EDARADD: variants seen among roughly 807,000 people sequenced by gnomAD.
The protein encoded by EDARADD is ectodysplasin-A receptor-associated adapter protein.
Under a neutral mutation model 25.6 loss-of-function variants are expected in EDARADD, and 20 were observed. That is an observed-to-expected ratio of 0.78 (90% CI 0.55 to 1.14). EDARADD has a LOEUF of 1.14. Among genes scored for constraint, EDARADD ranks in the 50% most tolerant of loss-of-function variants. The probability of loss-of-function intolerance (pLI) is 0.00; values close to 1 mark genes in which losing one functional copy is unlikely to be tolerated. For synonymous variants in EDARADD, 86 were observed against 94.4 expected (o/e 0.91, Z 0.52); for missense variants, 225 against 270.1 (o/e 0.83, Z 1.17).
rs1667215476 is a variant in EDARADD, at chr1:236,375,555, C to G, written c.-6+24716C>G. Among the ~76,000 whole-genome samples the G allele has an allele frequency of 2.0e-5, 3 of 149,258 alleles. No individual in the cohort carries two copies. The South Asian group carries it at 6.3e-4, about 31-fold the overall frequency. ...CCTGTAATACCAGCTACTTGGGAGG[C>G]TGAGGCAGGAGAATCGCTTGAACCC... On this transcript the variant is annotated intron_variant, in intron 3 of 7. Coordinates refer to the EDARADD transcript ENST00000439430.
chr1:236,367,930 G>A (rs560822815), intron 3 of EDARADD, among the ~76,000 whole-genome samples: 838 of 66,590 alleles, frequency 0.013, 10 homozygotes, highest in African/African-American at 0.055. Context: ...GCAACACAGC[G>A]AGACCTAGTC....
At chr1:236,450,777 G>A (rs1421176612) in intron 4 of EDARADD, among the ~76,000 whole-genome samples, 1 of 152,078 alleles carries the variant, frequency 6.6e-6, no homozygotes, top group East Asian at 1.9e-4. Flanking sequence ...TCAAACTCCG[G>A]ACCTTAGGTG....
At chr1:236,362,445 C>A (rs1667061774) in intron 3 of EDARADD, among the ~76,000 whole-genome samples, 1 of 152,170 alleles carries the variant, frequency 6.6e-6, no homozygotes, top group African/African-American at 2.4e-5. Flanking sequence ...ATGATGGATA[C>A]AAATCCTTTA....
intron 3 of EDARADD, among the ~76,000 whole-genome samples, chr1:236,383,386 CAAAA>C (rs35085475): frequency 4.3e-5 from 6 of 139,502 alleles, no homozygotes; most frequent in Admixed American, 7.1e-5. Context: ...GACTCCGTCT[CAAAA>C]AAAAAAAAAA....
chr1:236,448,848 A>C (rs1658634052), intron 4 of EDARADD, among the ~76,000 whole-genome samples: 1 of 152,210 alleles, frequency 6.6e-6, no homozygotes, highest in African/African-American at 2.4e-5. Flanking sequence ...TTGCAGATAC[A>C]AAAACAGAGG....
intron 1 of EDARADD, among the ~76,000 whole-genome samples, chr1:236,399,123 C>A (rs1211189047): frequency 6.6e-6 from 1 of 152,126 alleles, no homozygotes; most frequent in Non-Finnish European, 1.5e-5. Context: ...TGTATATCCA[C>A]GTGCATATAA....
intron 1 of EDARADD, 105 bp downstream of exon 1, chr1:236,394,610 T>C: frequency 1.0e-6 from 1 of 992,090 alleles, no homozygotes; most frequent in South Asian, 2.0e-5. Flanking sequence ...TAAATACTAT[T>C]ATTATCTTTT....
chr1:236,418,314 G>C (rs982092041), intron 3 of EDARADD, among the ~76,000 whole-genome samples: 1 of 151,126 alleles, frequency 6.6e-6, no homozygotes, highest in African/African-American at 2.4e-5. Context: ...GCATGATCTC[G>C]ACTCACTGCA....
At chr1:236,434,451 G>T (rs963987839) in intron 4 of EDARADD, among the ~76,000 whole-genome samples, 2 of 152,124 alleles carry the variant, frequency 1.3e-5, no homozygotes, top group Non-Finnish European at 2.9e-5. Context: ...TGTTGGCCAG[G>T]CTGATCTTGA....
At chr1:236,418,022 C>A (rs1268716331) in intron 3 of EDARADD, among the ~76,000 whole-genome samples, 1 of 147,752 alleles carries the variant, frequency 6.8e-6, no homozygotes, top group African/African-American at 2.5e-5. Context: ...GGTGCGATCT[C>A]GGCTCACTGC....
rs887068100 is a variant in EDARADD, at chr1:236,395,542, C to G, written c.61+1037C>G. ...CTCCAGGCGCGTCGGAACCGCAGGA[C>G]TTTTCATCCCCGTGGTCCCACGGTC... On this transcript the variant is annotated intron_variant, in intron 1 of 5. Transcript: ENST00000334232. This position sits in a 1 kb window ranked among gnomAD's most constrained non-coding sequence, Gnocchi z 6.9. 1.5e-4 allele frequency: 237 copies of G among 1,538,140 alleles called. No individual in the cohort carries two copies. The highest frequency in any genetic ancestry group is 2.0e-4 in the Non-Finnish European group (226 of 1,145,900).
At chr1:236,359,209 G>T (rs1667017491) in intron 3 of EDARADD, among the ~76,000 whole-genome samples, 1 of 152,054 alleles carries the variant, frequency 6.6e-6, no homozygotes, top group Non-Finnish European at 1.5e-5. Flanking sequence ...TCCCCTATTG[G>T]CTGCACACTG....
intron 4 of EDARADD, among the ~76,000 whole-genome samples, chr1:236,450,320 T>C (rs539797702): frequency 5.5e-4 from 84 of 151,364 alleles, no homozygotes; most frequent in African/African-American, 2.0e-3. Context: ...ATAAAGAAAA[T>C]GAAGGAAGTA....
chr1:236,483,606 C>T lies in EDARADD; in HGVS notation c.*957C>T, dbSNP rs1558140935. 8 of 1,518,548 alleles carry T rather than the reference C, an allele frequency of 5.3e-6. No homozygotes were observed. The highest frequency in any genetic ancestry group is 6.4e-6 in the Non-Finnish European group (7 of 1,095,098). The allele number at this position is 1,518,548 out of a possible 1,614,324, so 94.1% of individuals were successfully genotyped here. ...CAACTCCAAAGTCATCTTGCCAGTC[C>T]CGGTGTTCAATGTCATCAATGGCAG... is the stretch of plus-strand genomic sequence containing the variant. On this transcript the variant is annotated 3_prime_UTR_variant, in exon 6 of 6. Coordinates refer to ENST00000334232, the MANE Select transcript of EDARADD (RefSeq NM_145861.4).
intron 4 of EDARADD, among the ~76,000 whole-genome samples, chr1:236,461,531 C>G (rs150460704): frequency 6.4e-4 from 98 of 152,300 alleles, no homozygotes; most frequent in African/African-American, 2.2e-3. Context: ...ATGCTACTAC[C>G]ATGCTGGTTG....
intron 1 of EDARADD, among the ~76,000 whole-genome samples, chr1:236,404,171 G>C (rs1667667015): frequency 6.6e-6 from 1 of 152,194 alleles, no homozygotes; most frequent in African/African-American, 2.4e-5. Context: ...TTGCCTGAAG[G>C]CTCAGCCTGC....
In EDARADD at chr1:236,371,610, C is replaced by G. The variant is rs533325489; in HGVS notation, c.-6+20771C>G. On this transcript the variant is annotated intron_variant, in intron 3 of 7. Coordinates refer to the EDARADD transcript ENST00000439430. ...TTGAGATGGAGTTTTGCTCTTGTCGCTCAGACTGCAGTGCAGTGGCACGAT... is the reference window on the plus strand; with the variant it reads ...TTGAGATGGAGTTTTGCTCTTGTCGGTCAGACTGCAGTGCAGTGGCACGAT... Among the ~76,000 whole-genome samples, 30 of 149,846 alleles carry G rather than the reference C, an allele frequency of 2.0e-4. No homozygotes were observed. In the East Asian group the frequency reaches 5.9e-3, roughly 29 times the overall value.
Position 236,478,736 on chromosome 1 carries a change from G to A in EDARADD, c.266-3531G>A, listed in dbSNP as rs988686500. On this transcript the variant is annotated intron_variant, in intron 5 of 5. Coordinates refer to ENST00000334232, the MANE Select transcript of EDARADD (RefSeq NM_145861.4). ...TGAGTAGCTGGGACTGCAGGCGCCCGCCATCACGCCCAGATAACTTTTTGT... is the reference window on the plus strand; with the variant it reads ...TGAGTAGCTGGGACTGCAGGCGCCCACCATCACGCCCAGATAACTTTTTGT... 2.8e-4 allele frequency among the ~76,000 whole-genome samples: 43 copies of A among 152,014 alleles called. 1 individual carries two copies. The highest frequency in any genetic ancestry group is 5.2e-4 in the Admixed American group (8 of 15,268).
intron 3 of EDARADD, among the ~76,000 whole-genome samples, chr1:236,377,687 G>A (rs201514755): frequency 4.6e-5 from 7 of 150,916 alleles, no homozygotes; most frequent in Admixed American, 6.6e-5. Context: ...GTGAAACCCC[G>A]TCTCTACTAA....
Sources: gnomAD v4.1 joint callset for allele counts (sites outside exome capture counted in the v4.1 genomes callset) on GRCh38, gnomAD v4.1.1 for gene constraint, Gnocchi (gnomAD v3.1) non-coding constraint, MANE v1.5 for transcripts, NCBI Gene and HGNC (gene_info 2026-07-23, HGNC 2026-07-21) for gene names.